TBX15: variants seen among roughly 807,000 people sequenced by gnomAD.
The protein encoded by TBX15 is T-box transcription factor 15, also known as T-box transcription factor TBX15.
Under a neutral mutation model 53.9 loss-of-function variants are expected in TBX15, and 18 were observed. That is an observed-to-expected ratio of 0.33 (90% CI 0.23 to 0.49). The LOEUF is 0.49. Among genes scored for constraint, TBX15 ranks in the 20% least tolerant of loss-of-function variants. The pLI, the probability that TBX15 is intolerant of heterozygous loss-of-function variation, is 0.98. For missense variants in TBX15, 692 were observed against 749.5 expected (o/e 0.92, Z 0.90); for synonymous variants, 295 against 278.0 (o/e 1.06, Z -0.61).
At chr1:118,974,230 T>C (rs574470752) in intron 1 of TBX15, among the ~76,000 whole-genome samples, 1 of 152,340 alleles carries the variant, frequency 6.6e-6, no homozygotes, top group East Asian at 1.9e-4. Context: ...TATGCTTCTA[T>C]TGCTGCAAGA....
chr1:118,933,824 T>C (rs1030528303), intron 1 of TBX15, among the ~76,000 whole-genome samples: 1 of 152,222 alleles, frequency 6.6e-6, no homozygotes, highest in Admixed American at 6.5e-5. Flanking sequence ...TTAAAATATA[T>C]TATTGTCCTG....
At chr1:118,945,159 A>G (rs1656308497) in intron 1 of TBX15, among the ~76,000 whole-genome samples, 1 of 152,198 alleles carries the variant, frequency 6.6e-6, no homozygotes, top group African/African-American at 2.4e-5. Flanking sequence ...TTCCCTGAAA[A>G]CATAGCCTGG....
rs1195713088 is a variant in TBX15 at position 118,926,591 on chromosome 1, C to T, written c.440G>A (p.Arg147Lys). The change falls in exon 3 of 8, where the codon AGA becomes AAA. Residue 147 changes from arginine (R) to lysine (K), a missense_variant. Arg to Lys is a conservative substitution (Grantham distance 26, BLOSUM62 2). Transcript: ENST00000369429. ...TGGATCTAGGCCAGTGATTTTCACT[C>T]TCATGGCAGGAAACATCCTCCTATG... ...KAGRRMFPAMRVKITGLDPHQ... is the reference protein window; with the variant it reads ...KAGRRMFPAMKVKITGLDPHQ... 4.2e-5 allele frequency: 67 copies of T among 1,613,694 alleles called. No individual in the cohort carries two copies. The Admixed American group carries it at 1.1e-3, about 25-fold the overall frequency.
rs536044359 is a variant in TBX15, at chr1:118,884,605, GAAAAAA to G, written c.*121_*126del. 76 of 769,840 alleles carry G rather than the reference GAAAAAA, an allele frequency of 9.9e-5. No individual in the cohort carries two copies. Among genetic ancestry groups the G allele is most frequent in the Non-Finnish European group, 1.1e-4 (61 of 532,362 alleles). The allele number at this position is 769,840 out of a possible 1,614,324, so 47.7% of individuals were successfully genotyped here. A position where few individuals can be genotyped will look rare whatever the true frequency, so the allele number is the denominator to read the frequency against. ...GTTCTTGGGTATATGTCTTCGGCCA[GAAAAAA>G]AAAAAAAAAAAAAACACGGTTCCTG... On this transcript the variant is annotated 3_prime_UTR_variant, in exon 8 of 8. Transcript: ENST00000369429.
intron 5 of TBX15, among the ~76,000 whole-genome samples, chr1:118,915,446 T>A (rs1655186099): frequency 6.6e-6 from 1 of 152,218 alleles, no homozygotes; most frequent in South Asian, 2.1e-4. Flanking sequence ...GAAAGAGTCT[T>A]CCAGGCTTCA....
At chr1:118,910,032 A>G (rs12127088) in intron 6 of TBX15, among the ~76,000 whole-genome samples, 1 of 152,084 alleles carries the variant, frequency 6.6e-6, no homozygotes, top group South Asian at 2.1e-4. Flanking sequence ...TTATGGGCTG[A>G]GAGAGACTCT....
At chr1:118,978,700 A>G (rs1657522444) in intron 1 of TBX15, among the ~76,000 whole-genome samples, 5 of 152,234 alleles carry the variant, frequency 3.3e-5, no homozygotes, top group Non-Finnish European at 7.3e-5. Flanking sequence ...GTGAAGACAT[A>G]TATATCCACA....
In TBX15 at chr1:118,921,518, C is replaced by G. The variant is rs889646238; in HGVS notation, c.861+1918G>C. On this transcript the variant is annotated intron_variant, in intron 5 of 7. Coordinates refer to ENST00000369429, the MANE Select transcript of TBX15 (RefSeq NM_001330677.2). The stretch of plus-strand genomic sequence containing the variant: ...AAAGCACAGGCCAATTCCTCATTTT[C>G]TAAGACAAGAAACTGAAGCACTGAA... Among the ~76,000 whole-genome samples, 5 of 152,152 alleles carry G rather than the reference C, an allele frequency of 3.3e-5. 1 individual carries two copies. Among genetic ancestry groups the G allele is most frequent in the Admixed American group, 3.3e-4 (5 of 15,278 alleles).
At chr1:118,978,297 CA>C (rs1331704194) in intron 1 of TBX15, among the ~76,000 whole-genome samples, 1 of 152,144 alleles carries the variant, frequency 6.6e-6, no homozygotes, top group Non-Finnish European at 1.5e-5. Context: ...TCTACAACTG[CA>C]GTAAAATTCC....
At chr1:118,985,548 T>C (rs1657802732) in intron 1 of TBX15, among the ~76,000 whole-genome samples, 1 of 152,128 alleles carries the variant, frequency 6.6e-6, no homozygotes, top group African/African-American at 2.4e-5. Flanking sequence ...TTGCGGGGGC[T>C]CCAACTTAAG....
chr1:118,923,618 G>A lies in TBX15; in HGVS notation c.694-15C>T. 1.9e-6 allele frequency: 3 copies of A among 1,613,804 alleles called. No individual in the cohort carries two copies. Among genetic ancestry groups the A allele is most frequent in the Middle Eastern group, 1.7e-4 (1 of 6,058 alleles). On this transcript the variant is annotated splice_polypyrimidine_tract_variant and intron_variant, in intron 4 of 7. Coordinates refer to ENST00000369429, the MANE Select transcript of TBX15 (RefSeq NM_001330677.2). ...TGCAGAATGATCTGAAATAAAAAGG[G>A]GAATTGTACCAGGCTTGGCTTTAAG...
intron 6 of TBX15, among the ~76,000 whole-genome samples, chr1:118,902,938 G>A (rs1654683296): frequency 6.6e-6 from 1 of 152,088 alleles, no homozygotes; most frequent in African/African-American, 2.4e-5. Flanking sequence ...TCTAACGGGT[G>A]AAAAAAGCAG....
At position 118,884,656 on chromosome 1, in the gene TBX15, T is replaced by A; in HGVS notation, c.*76A>T. 12 of 1,337,002 alleles carry A rather than the reference T, an allele frequency of 9.0e-6. No individual in the cohort carries two copies. The highest frequency in any genetic ancestry group is 1.1e-5 in the Non-Finnish European group (10 of 946,530). The allele number at this position is 1,337,002 out of a possible 1,614,324, so 82.8% of individuals were successfully genotyped here. ...TTCCTGTTTTTCAAAGACACTGGAC[T>A]CCCAAAGAGGAGGATCTGACCACGG... On this transcript the variant is annotated 3_prime_UTR_variant, in exon 8 of 8. Coordinates refer to ENST00000369429, the MANE Select transcript of TBX15 (RefSeq NM_001330677.2).
At chr1:118,952,509 T>C (rs985140035) in intron 1 of TBX15, among the ~76,000 whole-genome samples, 1 of 152,210 alleles carries the variant, frequency 6.6e-6, no homozygotes, top group Non-Finnish European at 1.5e-5. Flanking sequence ...TGGGTTCTCA[T>C]CTCACTCAGT....
intron 1 of TBX15, among the ~76,000 whole-genome samples, chr1:118,983,785 C>T (rs1217204781): frequency 2.0e-5 from 3 of 152,196 alleles, no homozygotes; most frequent in African/African-American, 7.2e-5. Context: ...GCATCTCACT[C>T]TACGCGTTCG....
At chr1:118,954,756 C>A (rs1193554990) in intron 1 of TBX15, among the ~76,000 whole-genome samples, 2 of 152,216 alleles carry the variant, frequency 1.3e-5, no homozygotes, top group Admixed American at 1.3e-4. Flanking sequence ...ATTAATAACT[C>A]AACCCGATAT....
chr1:118,912,480 TC>T (rs1426131145), intron 6 of TBX15, among the ~76,000 whole-genome samples: 2 of 152,062 alleles, frequency 1.3e-5, no homozygotes, highest in Non-Finnish European at 2.9e-5. Flanking sequence ...ATGGCCTACC[TC>T]CAGAAATAGC....
At chr1:118,925,637 C>T (rs1046942727) in intron 3 of TBX15, among the ~76,000 whole-genome samples, 1 of 152,158 alleles carries the variant, frequency 6.6e-6, no homozygotes, top group Non-Finnish European at 1.5e-5. Context: ...GGGACCTGGA[C>T]CCTGAGAAAT....
In TBX15 at chr1:118,884,842, G is replaced by A. The variant is rs1223359421; in HGVS notation, c.1699C>T (p.His567Tyr). The A allele has an allele frequency of 1.2e-6, 2 of 1,614,178 alleles. No individual in the cohort carries two copies. The highest frequency in any genetic ancestry group is 1.3e-5 in the African/African-American group (1 of 75,060). ...YLPSGMEHSMHMISPSPNNQQ... is the reference protein window; with the variant it reads ...YLPSGMEHSMYMISPSPNNQQ... ...TTATTGGGTGAAGGGCTAATCATGT[G>A]CATGCTGTGCTCCATCCCTGACGGC... The change falls in exon 8 of 8, where the codon CAC becomes TAC. Residue 567 changes from histidine (H) to tyrosine (Y), a missense_variant. By Grantham distance (83) the His-to-Tyr change is moderately conservative. Coordinates refer to ENST00000369429, the MANE Select transcript of TBX15 (RefSeq NM_001330677.2).
Sources: allele counts gnomAD v4.1 joint callset (sites outside exome capture counted in the v4.1 genomes callset), GRCh38; gene constraint gnomAD v4.1.1; transcripts MANE v1.5; gene names NCBI Gene and HGNC (gene_info 2026-07-23, HGNC 2026-07-21).